The following DAB1 variants were observed in gnomAD, a reference collection of about 807,000 sequenced individuals.
DAB1 encodes disabled homolog 1.
A neutral mutation model predicts 64.6 loss-of-function variants in DAB1; 15 were observed. That is an observed-to-expected ratio of 0.23 (90% CI 0.16 to 0.36). DAB1 has a LOEUF of 0.36. Among genes scored for constraint, DAB1 ranks in the 10% least tolerant of loss-of-function variants. The probability of loss-of-function intolerance (pLI) is 1.00; values close to 1 mark genes in which losing one functional copy is unlikely to be tolerated. For missense variants in DAB1, 596 were observed against 706.7 expected (o/e 0.84, Z 1.78); for synonymous variants, 235 against 251.9 (o/e 0.93, Z 0.64).
At chr1:57,504,739 C>A (rs1644325571) in intron 7 of DAB1, among the ~76,000 whole-genome samples, 1 of 152,132 alleles carries the variant, frequency 6.6e-6, no homozygotes, top group Non-Finnish European at 1.5e-5. Flanking sequence ...AGTGGAGAAG[C>A]CGGACAAACA....
chr1:57,878,490 G>A (rs1262326011), intron 1 of DAB1: 1 of 152,048 alleles, frequency 6.6e-6, no homozygotes, highest in Non-Finnish European at 1.5e-5. Context: ...TGTTTGAATG[G>A]GAACTGAGCT....
At chr1:57,040,190 G>A (rs1026083842) in intron 9 of DAB1, among the ~76,000 whole-genome samples, 1 of 152,068 alleles carries the variant, frequency 6.6e-6, no homozygotes, top group African/African-American at 2.4e-5. Flanking sequence ...CCTACATCGT[G>A]GGGTTGGGGA....
chr1:58,423,411 A>G (rs1220128727), intron 3 of DAB1, among the ~76,000 whole-genome samples: 1 of 152,180 alleles, frequency 6.6e-6, no homozygotes, highest in African/African-American at 2.4e-5. Context: ...CTGTGCTCCA[A>G]GAGAGGGGAA....
chr1:57,836,647 GCC>G (rs1652821871), intron 1 of DAB1, among the ~76,000 whole-genome samples: 2 of 152,252 alleles, frequency 1.3e-5, no homozygotes, highest in Admixed American at 1.3e-4. Context: ...TTCGGCATCC[GCC>G]ATCTCTTGAT....
chr1:58,394,722 A>G (rs2100558165), intron 3 of DAB1, among the ~76,000 whole-genome samples: 1 of 152,330 alleles, frequency 6.6e-6, no homozygotes, highest in East Asian at 1.9e-4. Context: ...AATTGGATCA[A>G]TGATTGCCCG....
chr1:57,773,537 A>G (rs1281061357), intron 6 of DAB1, among the ~76,000 whole-genome samples: 1 of 151,974 alleles, frequency 6.6e-6, no homozygotes, highest in African/African-American at 2.4e-5. Context: ...TGTATTTTTC[A>G]TGTTATGTTC....
intron 5 of DAB1, among the ~76,000 whole-genome samples, chr1:57,932,866 T>C (rs1644973097): frequency 6.6e-6 from 1 of 152,238 alleles, no homozygotes; most frequent in African/African-American, 2.4e-5. Flanking sequence ...CAAAATATAG[T>C]TGGGGATTGG....
intron 4 of DAB1, among the ~76,000 whole-genome samples, chr1:58,305,685 A>G (rs944495604): frequency 1.1e-4 from 16 of 152,204 alleles, no homozygotes; most frequent in African/African-American, 3.9e-4. Context: ...AAGTCATCAT[A>G]ATTACCAAAA....
At chr1:57,187,773 A>T (rs1663723560) in intron 2 of DAB1, among the ~76,000 whole-genome samples, 1 of 144,326 alleles carries the variant, frequency 6.9e-6, no homozygotes, top group Non-Finnish European at 1.5e-5. Flanking sequence ...TTTTGTATGC[A>T]GGTAAGTTCT....
chr1:57,251,271 T>C (rs1293903616), intron 2 of DAB1, among the ~76,000 whole-genome samples: 1 of 152,204 alleles, frequency 6.6e-6, no homozygotes, highest in African/African-American at 2.4e-5. Context: ...GCAAGAAGAA[T>C]GGCTTTGGGA....
intron 2 of DAB1, among the ~76,000 whole-genome samples, chr1:58,506,876 T>C (rs1645998056): frequency 6.6e-6 from 1 of 152,086 alleles, no homozygotes; most frequent in Middle Eastern, 3.2e-3. Flanking sequence ...CAATACCTTA[T>C]AAAAGTACAA....
intron 3 of DAB1, among the ~76,000 whole-genome samples, chr1:58,489,348 G>A (rs1280074923): frequency 1.3e-5 from 2 of 152,216 alleles, no homozygotes; most frequent in Non-Finnish European, 2.9e-5. Flanking sequence ...CTCATTACTA[G>A]CACAGCAGTC....
intron 6 of DAB1, among the ~76,000 whole-genome samples, chr1:57,662,415 C>T (rs544977723): frequency 3.7e-4 from 56 of 152,226 alleles, no homozygotes; most frequent in Middle Eastern, 3.4e-3. Flanking sequence ...AGGCTGGTCT[C>T]GAACTCCCGA....
At chr1:58,502,152 A>C (rs371245218) in intron 3 of DAB1, among the ~76,000 whole-genome samples, 1 of 152,236 alleles carries the variant, frequency 6.6e-6, no homozygotes, top group Non-Finnish European at 1.5e-5. Context: ...GATGATATGC[A>C]AGGGATCCAA....
At chr1:58,343,022 G>C (rs1044858060) in intron 4 of DAB1, among the ~76,000 whole-genome samples, 2 of 152,094 alleles carry the variant, frequency 1.3e-5, no homozygotes, top group African/African-American at 4.8e-5. Context: ...TTCTTATCTT[G>C]CCATTCACCA....
intron 5 of DAB1, among the ~76,000 whole-genome samples, chr1:58,057,180 A>G (rs1648174342): frequency 6.6e-6 from 1 of 152,078 alleles, no homozygotes; most frequent in Admixed American, 6.6e-5. Context: ...TTCTTAATAT[A>G]TTGTAAGTGC....
chr1:57,402,318 A>G (rs1031650888), intron 1 of DAB1, among the ~76,000 whole-genome samples: 3 of 152,230 alleles, frequency 2.0e-5, no homozygotes, highest in Admixed American at 2.0e-4. Flanking sequence ...ATATTTTATT[A>G]CACAAAGGGT....
chr1:57,253,965 C>T (rs1396753896), intron 2 of DAB1, among the ~76,000 whole-genome samples: 2 of 152,208 alleles, frequency 1.3e-5, no homozygotes, highest in Non-Finnish European at 2.9e-5. Context: ...TTCCTGATCT[C>T]TCCAGCAAAT....
chr1:57,159,629 A>G (rs750535957), intron 2 of DAB1, among the ~76,000 whole-genome samples: 1 of 152,156 alleles, frequency 6.6e-6, no homozygotes, highest in Admixed American at 6.5e-5. Flanking sequence ...GTTTCTGTAC[A>G]CAGAGTTTCC....
Sources: gnomAD v4.1 joint callset for allele counts (sites outside exome capture counted in the v4.1 genomes callset) on GRCh38, gnomAD v4.1.1 for gene constraint, MANE v1.5 for transcripts, NCBI Gene and HGNC (gene_info 2026-07-23, HGNC 2026-07-21) for gene names.